Variants in KCNU1 observed in about 807,000 individuals in gnomAD.
KCNU1 encodes potassium calcium-activated channel subfamily U member 1.
KCNU1 carries 93 observed loss-of-function variants against 126.8 expected under a neutral mutation model. The ratio of observed to expected loss-of-function variants is 0.73; its 90% CI spans 0.62 to 0.87. The LOEUF is 0.87. KCNU1 is among the 40% of genes least tolerant of loss of function. The probability of loss-of-function intolerance (pLI) is 0.00; values close to 1 mark genes in which losing one functional copy is unlikely to be tolerated. For synonymous variants in KCNU1, 523 were observed against 494.2 expected, an observed-to-expected ratio of 1.06 and a Z score of -0.77; for missense variants, 1,330 against 1,367.1, an observed-to-expected ratio of 0.97 and a Z score of 0.43.
rs16885566 is a variant in KCNU1, at chr8:36,926,840, T to C, written c.2737-4111T>C. Among the ~76,000 whole-genome samples the C allele has an allele frequency of 9.1e-4, 139 of 152,202 alleles. 1 individual carries two copies. The East Asian group carries it at 0.015, about 17-fold the overall frequency. On this transcript the variant is annotated intron_variant, in intron 24 of 26. Transcript: ENST00000399881. Reference sequence around the variant, plus strand: ...AGACTCTAAACGTTGGGTTCCTTGATACCCACACTATACAGAAGGTCAAGG... The same window carrying C: ...AGACTCTAAACGTTGGGTTCCTTGACACCCACACTATACAGAAGGTCAAGG...
At chr8:36,855,791 T>C (rs959823550) in intron 18 of KCNU1, among the ~76,000 whole-genome samples, 25 of 152,184 alleles carry the variant, frequency 1.6e-4, no homozygotes, top group African/African-American at 6.0e-4. Flanking sequence ...CTTGTCTTCA[T>C]TTTTTAAAGA....
At chr8:36,860,550 G>A (rs1304427272) in intron 18 of KCNU1, among the ~76,000 whole-genome samples, 1 of 152,142 alleles carries the variant, frequency 6.6e-6, no homozygotes, top group Non-Finnish European at 1.5e-5. Context: ...CTTCATTGCA[G>A]TTTCTAACAC....
rs1422054563 is a variant in KCNU1, at chr8:36,911,061, C to A, written c.2463C>A (p.Thr821=). The change falls in exon 22 of 27, where the codon ACC becomes ACA. Residue 821 remains threonine, a synonymous_variant. Coordinates refer to ENST00000399881, the MANE Select transcript of KCNU1 (RefSeq NM_001031836.3). ...TAGACACAGAAGCCATCATGGCAAC[C>A]CTCACCATCGGATCCTTGCAAATTG... ...TLVDTEAIMA[T]LTIGSLQIDS... The A allele has an allele frequency of 1.9e-6, 3 of 1,613,774 alleles. No individual in the cohort carries two copies. Among genetic ancestry groups the A allele is most frequent in the Non-Finnish European group, 2.5e-6 (3 of 1,179,786 alleles).
At chr8:36,785,663 T>TA (rs1376141807) in intron 1 of KCNU1, among the ~76,000 whole-genome samples, 1 of 152,194 alleles carries the variant, frequency 6.6e-6, no homozygotes, top group Admixed American at 6.5e-5. Flanking sequence ...AATTCTGGGA[T>TA]ACTGACATAT....
At chr8:36,919,296 G>T (rs6990181) in intron 23 of KCNU1, among the ~76,000 whole-genome samples, 3,189 of 152,190 alleles carry the variant, frequency 0.021, 121 homozygotes, top group African/African-American at 0.073. Context: ...TGGGGCCAGG[G>T]TAAGGCAGGA....
Position 36,909,497 on chromosome 8 carries a change from C to T in KCNU1, c.2293C>T (p.Arg765Ter), listed in dbSNP as rs776075611. 1.7e-5 allele frequency: 27 copies of T among 1,611,692 alleles called. No individual in the cohort carries two copies. Among genetic ancestry groups the T allele is most frequent in the African/African-American group, 2.7e-5 (2 of 74,812 alleles). ...TCTGGACTATCTACAGAGAGAATGG[C>T]GATTTCTCTGGAATTTTCCCCAGAT... ...GSLDYLQREWRFLWNFPQIYI... is the reference protein window; with the variant it reads ...GSLDYLQREW Residue 765 changes from arginine to a stop codon, truncating the protein, a stop_gained, in exon 21 of 27, where the codon CGA becomes TGA. Transcript: ENST00000399881. LOFTEE classifies it high-confidence loss of function.
chr8:36,850,528 C>G (rs866537285), intron 18 of KCNU1, among the ~76,000 whole-genome samples: 27 of 151,604 alleles, frequency 1.8e-4, no homozygotes, highest in African/African-American at 6.1e-4. Context: ...ACAGTCATGG[C>G]TCACTACAGC....
chr8:36,820,875 C>T (rs1433344294), intron 10 of KCNU1, among the ~76,000 whole-genome samples: 1 of 152,102 alleles, frequency 6.6e-6, no homozygotes, highest in African/African-American at 2.4e-5. Flanking sequence ...AAAGGGGCTG[C>T]AAAGAAGCTT....
intron 22 of KCNU1, among the ~76,000 whole-genome samples, chr8:36,917,891 C>T (rs1333810661): frequency 6.6e-6 from 1 of 152,080 alleles, no homozygotes; most frequent in Non-Finnish European, 1.5e-5. Context: ...AGTGACATCC[C>T]AGCTCAGGCT....
At chr8:36,903,379 T>C (rs1807495455) in intron 19 of KCNU1, among the ~76,000 whole-genome samples, 1 of 152,142 alleles carries the variant, frequency 6.6e-6, no homozygotes, top group Non-Finnish European at 1.5e-5. Context: ...ATAGATTGTA[T>C]TTCTCCCAAG....
intron 18 of KCNU1, among the ~76,000 whole-genome samples, chr8:36,856,525 C>T (rs987541531): frequency 6.6e-6 from 1 of 152,102 alleles, no homozygotes; most frequent in African/African-American, 2.4e-5. Flanking sequence ...TGATGTTGCT[C>T]ATTGGAGAGT....
chr8:36,921,808 G>A (rs532207973), intron 23 of KCNU1, among the ~76,000 whole-genome samples: 137 of 152,186 alleles, frequency 9.0e-4, no homozygotes, highest in African/African-American at 3.0e-3. Flanking sequence ...ACATGCTGAT[G>A]GATAATTTGG....
chr8:36,857,790 C>T (rs1012011509), intron 18 of KCNU1, among the ~76,000 whole-genome samples: 13 of 152,036 alleles, frequency 8.6e-5, no homozygotes, highest in South Asian at 2.1e-4. Flanking sequence ...GGATTACAGG[C>T]GCTTGCCACC....
At chr8:36,858,176 C>CAAAAAAA (rs67265944) in intron 18 of KCNU1, among the ~76,000 whole-genome samples, 3 of 73,034 alleles carry the variant, frequency 4.1e-5, no homozygotes, top group South Asian at 5.9e-4. Flanking sequence ...TCAAGGATGG[C>CAAAAAAA]AAAAAAAAAA....
intron 19 of KCNU1, among the ~76,000 whole-genome samples, chr8:36,894,969 G>C (rs776404810): frequency 3.9e-5 from 6 of 152,012 alleles, no homozygotes; most frequent in Non-Finnish European, 8.8e-5. Flanking sequence ...AATTTTATTA[G>C]CTCTCATGAA....
chr8:36,838,660 C>T (rs773759288), intron 14 of KCNU1, among the ~76,000 whole-genome samples: 15 of 151,940 alleles, frequency 9.9e-5, no homozygotes, highest in Non-Finnish European at 2.2e-4. Flanking sequence ...TCACGCCACT[C>T]CACTCCAGCC....
At chr8:36,814,718 A>G (rs1452376297) in intron 8 of KCNU1, among the ~76,000 whole-genome samples, 1 of 152,208 alleles carries the variant, frequency 6.6e-6, no homozygotes, top group Non-Finnish European at 1.5e-5. Context: ...TTGAGATTTG[A>G]TCTGAAGAAA....
At chr8:36,822,140 G>A (rs1273940093) in intron 10 of KCNU1, among the ~76,000 whole-genome samples, 3 of 151,950 alleles carry the variant, frequency 2.0e-5, no homozygotes, top group African/African-American at 4.8e-5. Flanking sequence ...ACAGTATGCC[G>A]GTTATGCCAG....
chr8:36,856,826 C>T (rs1164746759), intron 18 of KCNU1, among the ~76,000 whole-genome samples: 1 of 152,176 alleles, frequency 6.6e-6, no homozygotes, highest in African/African-American at 2.4e-5. Flanking sequence ...ATTAACTGTA[C>T]TTTTTCTGGT....
Sources: gnomAD v4.1 joint callset for allele counts (sites outside exome capture counted in the v4.1 genomes callset) on GRCh38, gnomAD v4.1.1 for gene constraint, MANE v1.5 for transcripts, NCBI Gene and HGNC (gene_info 2026-07-23, HGNC 2026-07-21) for gene names.